Variants in LARGE1 observed in about 807,000 individuals in gnomAD.
LARGE1 encodes the protein LARGE xylosyl- and glucuronyltransferase 1.
In LARGE1, 43 loss-of-function variants were observed where a neutral mutation model predicts 87.6. The ratio of observed to expected loss-of-function variants is 0.49; its 90% CI spans 0.38 to 0.63. LARGE1 has a LOEUF of 0.63. LARGE1 is among the 30% of genes least tolerant of loss of function. The probability of loss-of-function intolerance (pLI) is 0.00; values close to 1 mark genes in which losing one functional copy is unlikely to be tolerated. For synonymous variants in LARGE1, 434 were observed against 394.6 expected, an observed-to-expected ratio of 1.10 and a Z score of -1.18; for missense variants, 802 against 1,000.2, an observed-to-expected ratio of 0.80 and a Z score of 2.67.
At chr22:33,509,520 AC>A (rs1322428839) in intron 6 of LARGE1, among the ~76,000 whole-genome samples, 1 of 151,942 alleles carries the variant, frequency 6.6e-6, no homozygotes, top group Non-Finnish European at 1.5e-5. Flanking sequence ...GCACAATCAT[AC>A]CTCACTGTAA....
intron 13 of LARGE1, among the ~76,000 whole-genome samples, chr22:33,277,527 G>C (rs1929575441): frequency 6.6e-6 from 1 of 152,142 alleles, no homozygotes; most frequent in Non-Finnish European, 1.5e-5. Context: ...TTATAAGAAG[G>C]GGAAAATTTA....
At chr22:33,069,140 T>C in the LARGE1 span, among the ~76,000 whole-genome samples, 12 of 152,230 alleles carry the variant, frequency 7.9e-5, no homozygotes, top group African/African-American at 2.9e-4. Context: ...TGTCTATGTA[T>C]GAGACTCCTG....
Position 33,830,505 on chromosome 22 carries a change from C to T in LARGE1, c.-82-68947G>A, listed in dbSNP as rs374673551. On this transcript the variant is annotated intron_variant, in intron 1 of 14. Coordinates refer to ENST00000397394, the MANE Select transcript of LARGE1 (RefSeq NM_133642.5). ...GAACTCCAGCTCTGCTACTTATCAG[C>T]TGTGTGACCTTGGACAATTTATTGA... is the stretch of plus-strand genomic sequence containing the variant. Among the ~76,000 whole-genome samples, 12 of 152,354 alleles carry T rather than the reference C, an allele frequency of 7.9e-5. 1 individual carries two copies. Among genetic ancestry groups the T allele is most frequent in the African/African-American group, 2.6e-4 (11 of 41,586 alleles).
At chr22:33,891,539 G>A (rs1219612103) in intron 1 of LARGE1, among the ~76,000 whole-genome samples, 1 of 151,962 alleles carries the variant, frequency 6.6e-6, no homozygotes, top group African/African-American at 2.4e-5. Context: ...ACTTTAGCAA[G>A]TAACTTACCC....
At chr22:33,153,231 T>C in the LARGE1 span, among the ~76,000 whole-genome samples, 1 of 152,238 alleles carries the variant, frequency 6.6e-6, no homozygotes, top group Non-Finnish European at 1.5e-5. Context: ...TTTCATTATG[T>C]TGCCCAGGCT....
At chr22:33,219,421 A>G (rs1288397843) in intron 11 of LARGE1, among the ~76,000 whole-genome samples, 3 of 152,242 alleles carry the variant, frequency 2.0e-5, no homozygotes, top group Admixed American at 6.5e-5. Flanking sequence ...ATTTGTGACA[A>G]AAATCTGCCT....
chr22:33,173,664 GA>G (rs578099669), intron 11 of LARGE1, among the ~76,000 whole-genome samples: 12,944 of 136,074 alleles, frequency 0.095, 737 homozygotes, highest in Middle Eastern at 0.2. Context: ...CAAATAGAAA[GA>G]AAAAAAAAAA....
At chr22:33,081,650 C>T in the LARGE1 span, among the ~76,000 whole-genome samples, 494 of 152,282 alleles carry the variant, frequency 3.2e-3, 4 homozygotes, top group African/African-American at 0.011. Flanking sequence ...TGGACATGCT[C>T]ATCAGAAAAG....
chr22:33,822,162 C>A (rs1194163240), intron 1 of LARGE1, among the ~76,000 whole-genome samples: 1 of 152,176 alleles, frequency 6.6e-6, no homozygotes, highest in African/African-American at 2.4e-5. Flanking sequence ...GCCAACAGCA[C>A]TATGTGTGCC....
intron 6 of LARGE1, among the ~76,000 whole-genome samples, chr22:33,553,004 A>C (rs2077575012): frequency 6.6e-6 from 1 of 152,194 alleles, no homozygotes; most frequent in Non-Finnish European, 1.5e-5. Flanking sequence ...CCACTGAGAT[A>C]CACGGCCAGC....
intron 3 of LARGE1, among the ~76,000 whole-genome samples, chr22:33,634,030 C>T (rs1426102455): frequency 6.6e-6 from 1 of 152,212 alleles, no homozygotes; most frequent in Non-Finnish European, 1.5e-5. Flanking sequence ...GAGATAAAAA[C>T]AGCTACCGAT....
intron 2 of LARGE1, among the ~76,000 whole-genome samples, chr22:33,661,852 G>T (rs1219765344): frequency 6.6e-6 from 1 of 151,882 alleles, no homozygotes; most frequent in African/African-American, 2.4e-5. Flanking sequence ...CGGGAGGGAG[G>T]GGGACTACCA....
At chr22:33,589,577 T>G (rs1391301033) in intron 5 of LARGE1, among the ~76,000 whole-genome samples, 1 of 152,212 alleles carries the variant, frequency 6.6e-6, no homozygotes, top group Non-Finnish European at 1.5e-5. Flanking sequence ...TTCACAGAAT[T>G]CTGCTGTGAA....
intron 11 of LARGE1, among the ~76,000 whole-genome samples, chr22:33,241,610 GTATC>G (rs1014557208): frequency 1.3e-5 from 2 of 151,636 alleles, no homozygotes; most frequent in South Asian, 2.1e-4. Context: ...ACATATATAT[GTATC>G]TATGTACATA....
chr22:33,850,818 C>T (rs2063562899), intron 1 of LARGE1, among the ~76,000 whole-genome samples: 1 of 152,026 alleles, frequency 6.6e-6, no homozygotes, highest in African/African-American at 2.4e-5. Flanking sequence ...TTTGCTGGCT[C>T]CCCATTCTAA....
chr22:33,141,409 A>T, the LARGE1 span, among the ~76,000 whole-genome samples: 1,653 of 152,328 alleles, frequency 0.011, 29 homozygotes, highest in African/African-American at 0.038. Flanking sequence ...AAGACGAAGT[A>T]TATGACCTAC....
At chr22:33,406,249 C>T (rs1397307748) in intron 7 of LARGE1, among the ~76,000 whole-genome samples, 1 of 152,126 alleles carries the variant, frequency 6.6e-6, no homozygotes, top group Non-Finnish European at 1.5e-5. Flanking sequence ...CTTGCCTGGC[C>T]ACACCCATTC....
chr22:33,756,651 G>A (rs1205200490), intron 2 of LARGE1, among the ~76,000 whole-genome samples: 1 of 152,208 alleles, frequency 6.6e-6, no homozygotes, highest in African/African-American at 2.4e-5. Flanking sequence ...GCTGGGTAGA[G>A]GATGCCAGAT....
chr22:33,540,446 C>T (rs896690876), intron 6 of LARGE1, among the ~76,000 whole-genome samples: 7 of 152,194 alleles, frequency 4.6e-5, no homozygotes, highest in African/African-American at 1.7e-4. Context: ...ACTGTTTGAG[C>T]TCTTGACACA....
Sources: gnomAD v4.1 joint callset for allele counts (sites outside exome capture counted in the v4.1 genomes callset) on GRCh38, gnomAD v4.1.1 for gene constraint, MANE v1.5 for transcripts, NCBI Gene and HGNC (gene_info 2026-07-23, HGNC 2026-07-21) for gene names.